The following ATP13A5 variants were observed in gnomAD, a reference collection of about 807,000 sequenced individuals.
ATP13A5 encodes probable cation-transporting ATPase 13A5.
Under a neutral mutation model 150.2 loss-of-function variants are expected in ATP13A5, and 149 were observed. The observed-to-expected ratio is 0.99, with a 90% CI of 0.87 to 1.14. The LOEUF (loss-of-function observed/expected upper bound fraction) is 1.14. Among genes scored for constraint, ATP13A5 ranks in the 50% most tolerant of loss-of-function variants. The pLI, the probability that ATP13A5 is intolerant of heterozygous loss-of-function variation, is 0.00. For missense variants in ATP13A5, 1,383 were observed against 1,449.3 expected (o/e 0.95, Z 0.74); for synonymous variants, 497 against 522.2 (o/e 0.95, Z 0.66).
chr3:193,343,545 A>G (rs1712208837), intron 9 of ATP13A5, among the ~76,000 whole-genome samples: 2 of 152,108 alleles, frequency 1.3e-5, no homozygotes, highest in South Asian at 4.1e-4. Flanking sequence ...CAATTGTGGG[A>G]GTCATGGTTT....
rs1220452982 is a variant in ATP13A5, at chr3:193,345,010, T to C, written c.807A>G (p.Lys269=). ...GCCTAACACATCACTTACCTTTGTCTTTTACAATGATTGTAACCTGGACTT... is the reference window on the plus strand; with the variant it reads ...GCCTAACACATCACTTACCTTTGTCCTTTACAATGATTGTAACCTGGACTT... ...HNKVQVTIIV[K]DKGLEELESR... is the part of the protein sequence containing the mutation. The change falls in exon 8 of 30, where the codon AAA becomes AAG. Residue 269 remains lysine (K), a synonymous_variant. Coordinates refer to ENST00000342358, the MANE Select transcript of ATP13A5 (RefSeq NM_198505.4). 4 of 1,613,228 alleles carry C rather than the reference T, an allele frequency of 2.5e-6. No homozygotes were observed. In the Admixed American group the frequency reaches 6.7e-5, roughly 27 times the overall value.
At chr3:193,309,197 G>A (rs1483809906) in intron 21 of ATP13A5, among the ~76,000 whole-genome samples, 2 of 152,158 alleles carry the variant, frequency 1.3e-5, no homozygotes. Flanking sequence ...TTTGAAGGGG[G>A]TAATAAAGGA....
At chr3:193,276,225 T>A (rs1717193050) in intron 29 of ATP13A5, among the ~76,000 whole-genome samples, 1 of 152,218 alleles carries the variant, frequency 6.6e-6, no homozygotes, top group African/African-American at 2.4e-5. Flanking sequence ...AAAAGAACTC[T>A]CCTTTTACAA....
chr3:193,302,197 GA>G, intron 23 of ATP13A5, among the ~76,000 whole-genome samples: 1 of 152,250 alleles, frequency 6.6e-6, no homozygotes, highest in Non-Finnish European at 1.5e-5. Flanking sequence ...GTGGTCAACA[GA>G]ACAGGGACAT....
intron 12 of ATP13A5, among the ~76,000 whole-genome samples, chr3:193,328,588 C>G (rs1437075675): frequency 6.6e-6 from 1 of 152,114 alleles, no homozygotes; most frequent in East Asian, 1.9e-4. Context: ...AAAATGACCC[C>G]TTAACAATAA....
intron 5 of ATP13A5, among the ~76,000 whole-genome samples, chr3:193,361,805 A>C: frequency 6.6e-6 from 1 of 152,206 alleles, no homozygotes; most frequent in East Asian, 1.9e-4. Flanking sequence ...ACAATGACTA[A>C]ACCTTTGTCT....
intron 16 of ATP13A5, 29 bp from the exon 17 acceptor site, chr3:193,319,137 T>C (rs1329865029): frequency 3.2e-6 from 5 of 1,550,360 alleles, no homozygotes; most frequent in Non-Finnish European, 4.5e-6. Flanking sequence ...CAGGTAAGTG[T>C]AAGGTCATGT....
intron 5 of ATP13A5, among the ~76,000 whole-genome samples, chr3:193,359,106 T>C (rs1172311414): frequency 6.6e-6 from 1 of 152,174 alleles, no homozygotes; most frequent in Non-Finnish European, 1.5e-5. Context: ...GTTACATTTT[T>C]AAGTAACTTG....
chr3:193,290,704 T>C (rs1717916433), intron 25 of ATP13A5, among the ~76,000 whole-genome samples: 1 of 152,146 alleles, frequency 6.6e-6, no homozygotes, highest in Admixed American at 6.6e-5. Flanking sequence ...AACTATATTG[T>C]ATTTTTGATT....
chr3:193,324,354 T>G (rs1330114954), intron 14 of ATP13A5, among the ~76,000 whole-genome samples: 1 of 152,208 alleles, frequency 6.6e-6, no homozygotes, highest in Admixed American at 6.5e-5. Context: ...TAAATCAGAT[T>G]AAAAATTCAG....
chr3:193,373,178 G>T (rs557153326), intron 1 of ATP13A5, among the ~76,000 whole-genome samples: 1 of 152,092 alleles, frequency 6.6e-6, no homozygotes, highest in African/African-American at 2.4e-5. Context: ...TCACTCCATT[G>T]CCCAGGCTGG....
intron 1 of ATP13A5, among the ~76,000 whole-genome samples, chr3:193,371,648 T>G (rs1713445810): frequency 6.6e-6 from 1 of 152,162 alleles, no homozygotes; most frequent in South Asian, 2.1e-4. Context: ...TGGAAGCGAC[T>G]CTCAGTCTTA....
chr3:193,321,698 A>C lies in ATP13A5; in HGVS notation c.1898T>G (p.Phe633Cys). 6.2e-7 allele frequency: 1 copy of C among 1,614,176 alleles called. No individual in the cohort carries two copies. Among genetic ancestry groups the C allele is most frequent in the East Asian group, 2.2e-5 (1 of 44,892 alleles). The change falls in exon 16 of 30, where the codon TTC becomes TGC. Residue 633 changes from phenylalanine to cysteine, a missense_variant. Transcript: ENST00000342358. ...MKGAPEMVAR[F>C]CRSETVPKNF... ...GTTAGTACCTGTTTCAGATCTGCAG[A>C]ACCTGGCCACCATTTCTGGGGCACC...
chr3:193,276,414 G>A (rs1717203514), intron 29 of ATP13A5, among the ~76,000 whole-genome samples: 1 of 152,130 alleles, frequency 6.6e-6, no homozygotes, highest in South Asian at 2.1e-4. Flanking sequence ...AGTCTCTTTG[G>A]GTTTTAGGGT....
At chr3:193,325,906 A>G (rs568075125) in intron 13 of ATP13A5, among the ~76,000 whole-genome samples, 1 of 152,334 alleles carries the variant, frequency 6.6e-6, no homozygotes, top group South Asian at 2.1e-4. Flanking sequence ...AACTGTGGAC[A>G]TCTTTTTTCC....
chr3:193,283,044 C>T (rs1717566668), intron 27 of ATP13A5, among the ~76,000 whole-genome samples: 1 of 151,544 alleles, frequency 6.6e-6, no homozygotes, highest in Admixed American at 6.6e-5. Flanking sequence ...TATTTAAAAA[C>T]AAAAAAGATA....
intron 25 of ATP13A5, among the ~76,000 whole-genome samples, chr3:193,290,900 C>G (rs1247215684): frequency 6.6e-6 from 1 of 152,152 alleles, no homozygotes; most frequent in African/African-American, 2.4e-5. Context: ...AATTTAAAGA[C>G]TGATATTGTA....
intron 11 of ATP13A5, among the ~76,000 whole-genome samples, chr3:193,333,055 G>A (rs1221763116): frequency 6.6e-6 from 1 of 151,978 alleles, no homozygotes; most frequent in African/African-American, 2.4e-5. Flanking sequence ...CTACTCAGCA[G>A]TTAAGTTTTG....
At chr3:193,309,080 A>G (rs1374262696) in intron 21 of ATP13A5, among the ~76,000 whole-genome samples, 2 of 152,116 alleles carry the variant, frequency 1.3e-5, no homozygotes, top group East Asian at 3.9e-4. Context: ...GTTCCTTTTC[A>G]CTTCCTAGAC....
Sources: allele counts gnomAD v4.1 joint callset (sites outside exome capture counted in the v4.1 genomes callset), GRCh38; gene constraint gnomAD v4.1.1; transcripts MANE v1.5; gene names NCBI Gene and HGNC (gene_info 2026-07-23, HGNC 2026-07-21).